Variants in EIF4B observed in about 807,000 individuals in gnomAD.
The protein encoded by EIF4B is eukaryotic translation initiation factor 4B.
A neutral mutation model predicts 79.3 loss-of-function variants in EIF4B; 8 were observed. That is an observed-to-expected ratio of 0.10 (90% CI 0.06 to 0.18). EIF4B has a LOEUF of 0.18. EIF4B is among the 10% of genes least tolerant of loss of function. EIF4B has a pLI of 1.00. For missense variants in EIF4B, 515 were observed against 792.4 expected, an observed-to-expected ratio of 0.65 and a Z score of 4.20; for synonymous variants, 238 against 274.7, an observed-to-expected ratio of 0.87 and a Z score of 1.32.
rs1592219893 is a variant in EIF4B at position 53,022,643 on chromosome 12, T to C, written c.667+16T>C. ...TTTGGAGACAGTAAGTTTGTTTTTA[T>C]GAAGTTAGCTTCCTCTGTGCTTTGG... On this transcript the variant is annotated intron_variant, in intron 6 of 14. Transcript: ENST00000262056. 6.2e-7 allele frequency: 1 copy of C among 1,611,974 alleles called. No individual in the cohort carries two copies. Among genetic ancestry groups the C allele is most frequent in the African/African-American group, 1.3e-5 (1 of 74,838 alleles).
intron 6 of EIF4B, among the ~76,000 whole-genome samples, chr12:53,026,763 G>A (rs192076531): frequency 4.6e-5 from 7 of 151,904 alleles, no homozygotes; most frequent in African/African-American, 1.2e-4. Flanking sequence ...CACCATGCCC[G>A]GCTAATTTTT....
At chr12:53,039,566 TAC>T in intron 13 of EIF4B, 62 bp from the exon 14 acceptor site, 2 of 1,583,316 alleles carry the variant, frequency 1.3e-6, no homozygotes, top group Non-Finnish European at 1.7e-6. Flanking sequence ...ACTGCATGCA[TAC>T]ACATGTTTGT....
intron 8 of EIF4B, among the ~76,000 whole-genome samples, chr12:53,033,150 G>C (rs1352390032): frequency 6.6e-6 from 1 of 151,602 alleles, no homozygotes; most frequent in Non-Finnish European, 1.5e-5. Context: ...CTCCCGAGTA[G>C]CTGGGATTAT....
intron 6 of EIF4B, among the ~76,000 whole-genome samples, chr12:53,026,115 A>G (rs1943330049): frequency 6.6e-6 from 1 of 152,182 alleles, no homozygotes; most frequent in African/African-American, 2.4e-5. Context: ...AAAAAGAGAA[A>G]GAAAAAGATC....
At chr12:53,006,891 C>G (rs1421309906) in intron 1 of EIF4B, among the ~76,000 whole-genome samples, 1 of 149,654 alleles carries the variant, frequency 6.7e-6, no homozygotes, top group African/African-American at 2.5e-5. Flanking sequence ...GCACATTAGA[C>G]TACGTCTCCA....
At chr12:53,013,222 T>C (rs1012781726) in intron 1 of EIF4B, among the ~76,000 whole-genome samples, 6 of 152,214 alleles carry the variant, frequency 3.9e-5, no homozygotes, top group African/African-American at 1.4e-4. Context: ...CTTATTCAGA[T>C]TGTTAATGTT....
At chr12:53,037,831 T>C in intron 11 of EIF4B, 1 of 611,512 alleles carries the variant, frequency 1.6e-6, no homozygotes, top group Non-Finnish European at 2.9e-6. Flanking sequence ...AAATCAGCTA[T>C]GATGGGAGTA....
chr12:53,025,770 G>C (rs958897070), intron 6 of EIF4B, among the ~76,000 whole-genome samples: 1 of 152,118 alleles, frequency 6.6e-6, no homozygotes, highest in East Asian at 1.9e-4. Context: ...AAAATTATGT[G>C]GTTTCCAAAA....
rs577019588 is a variant in EIF4B at position 53,040,177 on chromosome 12, C to T, written c.1790C>T (p.Ser597Phe). ...TCTGCAAGCAAGTATGCTGCTCTCT[C>T]TGTTGATGGTGAAGATGAAAATGAG... is the stretch of plus-strand genomic sequence containing the variant. ...FSSASKYAAL[S>F]VDGEDENEGE... Residue 597 changes from serine (S) to phenylalanine (F), a missense_variant, in exon 15 of 15, where the codon TCT (serine) becomes TTT (phenylalanine). Physicochemically the swap from Ser to Phe is radical, Grantham distance 155 (BLOSUM62 -2). Coordinates refer to ENST00000262056, the MANE Select transcript of EIF4B (RefSeq NM_001417.7). 2.5e-6 allele frequency: 4 copies of T among 1,614,178 alleles called. No homozygotes were observed. The highest frequency in any genetic ancestry group is 1.6e-4 in the Middle Eastern group (1 of 6,062).
chr12:53,039,620 G>T lies in EIF4B; in HGVS notation c.1683-10G>T. ...CCTAAAGACATGGTTTTATGCTTAC[G>T]TCTCTGCAGGAAAGATGGCAAAAAG... On this transcript the variant is annotated splice_polypyrimidine_tract_variant and intron_variant, in intron 13 of 14. Coordinates refer to ENST00000262056, the MANE Select transcript of EIF4B (RefSeq NM_001417.7). 6.2e-7 allele frequency: 1 copy of T among 1,613,576 alleles called. No homozygotes were observed. Among genetic ancestry groups the T allele is most frequent in the East Asian group, 2.2e-5 (1 of 44,868 alleles).
In EIF4B at chr12:53,037,413, A is replaced by G. The variant is rs1943557469; in HGVS notation, c.1311A>G (p.Ala437=). The G allele has an allele frequency of 1.2e-6, 2 of 1,611,574 alleles. No homozygotes were observed. Among genetic ancestry groups the G allele is most frequent in the East Asian group, 4.5e-5 (2 of 44,884 alleles). ...ATTTTCACTCTGGCTTCACAGATGC[A>G]CGAAGGAGAGAGAGTGAGAAGTCTC... is the stretch of plus-strand genomic sequence containing the variant. ...TGTSTTSSRN[A]RRRESEKSLE... Residue 437 remains alanine (A), a synonymous_variant, in exon 11 of 15, where the codon GCA becomes GCG. Coordinates refer to ENST00000262056, the MANE Select transcript of EIF4B (RefSeq NM_001417.7).
intron 6 of EIF4B, chr12:53,025,383 C>T (rs1943316854): frequency 2.7e-6 from 1 of 375,756 alleles, no homozygotes; most frequent in Non-Finnish European, 5.2e-6. Flanking sequence ...GCCCCAAAGT[C>T]AACTTAGTTA....
At chr12:53,039,587 A>T in intron 13 of EIF4B, 43 bp from the exon 14 acceptor site, 1 of 1,609,026 alleles carries the variant, frequency 6.2e-7, no homozygotes, top group Non-Finnish European at 8.5e-7. Context: ...GTATTAGGCG[A>T]GTCCTTTCCT....
intron 4 of EIF4B, among the ~76,000 whole-genome samples, 178 bp downstream of exon 4, chr12:53,020,204 TCAG>T (rs1943225798): frequency 6.6e-6 from 1 of 152,176 alleles, no homozygotes; most frequent in Non-Finnish European, 1.5e-5. Context: ...AAGTCACACT[TCAG>T]CAAATTCAGT....
chr12:53,021,734 A>G, intron 4 of EIF4B, 72 bp from the exon 5 acceptor site: 2 of 1,558,882 alleles, frequency 1.3e-6, no homozygotes, highest in Non-Finnish European at 1.8e-6. Flanking sequence ...CTATGCCCAG[A>G]CGTTCAAGGT....
rs1943639227 is a variant in EIF4B, at chr12:53,041,541, G to C, written c.*1318G>C. On this transcript the variant is annotated 3_prime_UTR_variant, in exon 15 of 15. Coordinates refer to ENST00000262056, the MANE Select transcript of EIF4B (RefSeq NM_001417.7). ...TAAGCTTCCCTTGAGAGAATAAATG[G>C]TAATGGAGAGAACTATTTAACAAGG... The C allele has an allele frequency of 6.6e-6, 1 of 151,790 alleles. No individual in the cohort carries two copies. Among genetic ancestry groups the C allele is most frequent in the African/African-American group, 2.4e-5 (1 of 41,332 alleles). The allele number at this position is 151,790 out of a possible 1,614,324, so 9.4% of individuals were successfully genotyped here.
At chr12:53,019,442 T>C (rs1198601145) in intron 3 of EIF4B, among the ~76,000 whole-genome samples, 1 of 100,642 alleles carries the variant, frequency 9.9e-6, no homozygotes, top group African/African-American at 4.0e-5. Flanking sequence ...TATATATTTT[T>C]TTTTTTTCTT....
At chr12:53,027,707 G>A (rs1211358414) in intron 6 of EIF4B, 75 bp from the exon 7 acceptor site, 1 of 1,519,228 alleles carries the variant, frequency 6.6e-7, no homozygotes, top group African/African-American at 1.4e-5. Flanking sequence ...CTTCCAAATT[G>A]GACTGATAGC....
chr12:53,038,082 T>C lies in EIF4B; in HGVS notation c.1521-274T>C, dbSNP rs115965905. ...GGTTGCAGTGAGCCGAGATGTGCCA[T>C]TGCACTCCAGCCTGGGCGACAGAGT... On this transcript the variant is annotated intron_variant, in intron 11 of 14. Transcript: ENST00000262056. The C allele has an allele frequency of 3.5e-3, 940 of 271,548 alleles. 10 individuals are homozygous for C. The highest frequency in any genetic ancestry group is 0.02 in the African/African-American group (884 of 44,592). 16.8% of individuals were successfully genotyped at this position (271,548 alleles called of 1,614,324 possible).
Sources: allele counts gnomAD v4.1 joint callset (sites outside exome capture counted in the v4.1 genomes callset), GRCh38; gene constraint gnomAD v4.1.1; transcripts MANE v1.5; gene names NCBI Gene and HGNC (gene_info 2026-07-23, HGNC 2026-07-21).